PRMT8: variants seen among roughly 807,000 people sequenced by gnomAD.
The protein encoded by PRMT8 is protein arginine N-methyltransferase 8.
In PRMT8, 7 loss-of-function variants were observed where a neutral mutation model predicts 47.1. The ratio of observed to expected loss-of-function variants is 0.15; its 90% confidence interval spans 0.08 to 0.28. The LOEUF is 0.28. Ranked by LOEUF, PRMT8 falls within the 10% of genes least tolerant of loss-of-function variation. PRMT8 has a pLI of 1.00. For missense variants in PRMT8, 237 were observed against 505.4 expected (o/e 0.47, Z 5.09); for synonymous variants, 188 against 186.5 (o/e 1.01, Z -0.07).
At position 3,531,716 on chromosome 12, in the gene PRMT8, C is replaced by T. The variant is rs146231308; in HGVS notation, c.76-8890C>T. The stretch of plus-strand genomic sequence containing the variant: ...GTCTCAGTGACCCTGGTCAGGACAG[C>T]GAGTCCCTACCAGTGACCGGCCCAA... On this transcript the variant is annotated intron_variant, in intron 1 of 9. Coordinates refer to ENST00000382622, the MANE Select transcript of PRMT8 (RefSeq NM_019854.5). Among the ~76,000 whole-genome samples the T allele has an allele frequency of 5.7e-3, 865 of 152,314 alleles. 17 individuals carry two copies. The highest frequency in any genetic ancestry group is 0.02 in the African/African-American group (819 of 41,564).
chr12:3,491,824 G>T (rs530100017), intron 1 of PRMT8, 124 bp downstream of exon 1: 1 of 1,102,934 alleles, frequency 9.1e-7, no homozygotes, highest in African/African-American at 1.7e-5. Context: ...GCTTCTGCCG[G>T]CCTCCTCCTG....
At chr12:3,428,398 C>CT (rs1316808661) in intron 1 of PRMT8, among the ~76,000 whole-genome samples, 2 of 151,972 alleles carry the variant, frequency 1.3e-5, no homozygotes, top group African/African-American at 4.8e-5. Flanking sequence ...TATTTTTCTA[C>CT]TTTCTTCCGT....
intron 1 of PRMT8, among the ~76,000 whole-genome samples, chr12:3,457,799 G>A (rs1332885714): frequency 1.3e-5 from 2 of 150,494 alleles, no homozygotes; most frequent in Non-Finnish European, 3.0e-5. Flanking sequence ...CCCCCCATCT[G>A]GATTTGGACA....
At chr12:3,449,284 T>C (rs1864892985) in intron 1 of PRMT8, among the ~76,000 whole-genome samples, 1 of 152,230 alleles carries the variant, frequency 6.6e-6, no homozygotes, top group East Asian at 1.9e-4. Context: ...ATGGTATTTC[T>C]GGTTCTGGGT....
rs1865056091 is a variant in PRMT8 at position 3,462,920 on chromosome 12, T to C, written c.49-77686T>C. 3 of 151,614 alleles carry C rather than the reference T, an allele frequency of 2.0e-5. No homozygotes were observed. In the South Asian group the frequency reaches 6.2e-4, roughly 31 times the overall value. 9.4% of individuals were successfully genotyped at this position (151,614 alleles called of 1,614,324 possible). ...TAACTGCAGGCGGATGGAAAAGACA[T>C]GGAAAGCATTAATCACTGCACAAGC... On this transcript the variant is annotated intron_variant, in intron 1 of 9. Coordinates refer to the PRMT8 transcript ENST00000452611.
chr12:3,432,570 C>A (rs1367866279), intron 1 of PRMT8, among the ~76,000 whole-genome samples: 2 of 151,936 alleles, frequency 1.3e-5, no homozygotes, highest in Non-Finnish European at 2.9e-5. Context: ...GCAGGAAGGG[C>A]TGGAGGGAGG....
intron 1 of PRMT8, among the ~76,000 whole-genome samples, chr12:3,448,619 C>T (rs1444664807): frequency 6.6e-6 from 1 of 151,986 alleles, no homozygotes; most frequent in Admixed American, 6.6e-5. Context: ...TGATAGTATC[C>T]CACTTTGATA....
intron 1 of PRMT8, among the ~76,000 whole-genome samples, chr12:3,444,511 C>G (rs1205338958): frequency 6.6e-6 from 1 of 152,206 alleles, no homozygotes; most frequent in Non-Finnish European, 1.5e-5. Flanking sequence ...ACCTGACACT[C>G]TGGTCATATT....
intron 1 of PRMT8, among the ~76,000 whole-genome samples, chr12:3,394,452 G>T (rs937795255): frequency 2.2e-4 from 33 of 152,086 alleles, no homozygotes; most frequent in Non-Finnish European, 2.5e-4. Context: ...GGACTTTTCT[G>T]CATCTATTGA....
At chr12:3,477,985 G>T (rs994819058) in intron 1 of PRMT8, among the ~76,000 whole-genome samples, 1 of 152,150 alleles carries the variant, frequency 6.6e-6, no homozygotes, top group African/African-American at 2.4e-5. Context: ...CTGCTGGCTA[G>T]GGGAGGATGG....
chr12:3,593,073 C>G lies in PRMT8; in HGVS notation c.1102-26C>G, dbSNP rs774336632. Reference sequence around the variant, plus strand: ...GCTTCATACCCAGACGGCCGCCTGACCCTTCGCTCTCTCTCTGCCTTGCAG... The same window carrying G: ...GCTTCATACCCAGACGGCCGCCTGAGCCTTCGCTCTCTCTCTGCCTTGCAG... On this transcript the variant is annotated intron_variant, in intron 9 of 9. Transcript: ENST00000382622. The surrounding 1 kb of genome is among the most constrained non-coding windows in gnomAD (Gnocchi z 4.8). 1 of 1,603,792 alleles carries G rather than the reference C, an allele frequency of 6.2e-7. No individual in the cohort carries two copies. The highest frequency in any genetic ancestry group is 1.3e-5 in the African/African-American group (1 of 74,716).
chr12:3,556,919 G>A (rs1429654401), intron 4 of PRMT8, among the ~76,000 whole-genome samples: 1 of 152,218 alleles, frequency 6.6e-6, no homozygotes, highest in Non-Finnish European at 1.5e-5. Context: ...AGGTGGAGAG[G>A]CGGCCTTTGC....
At chr12:3,460,265 C>T (rs1389453278) in intron 1 of PRMT8, among the ~76,000 whole-genome samples, 1 of 152,178 alleles carries the variant, frequency 6.6e-6, no homozygotes. Flanking sequence ...AATCTAGGTG[C>T]CCCTTGGGAT....
chr12:3,421,995 C>A (rs1315718335), intron 1 of PRMT8, among the ~76,000 whole-genome samples: 3 of 152,122 alleles, frequency 2.0e-5, no homozygotes, highest in Non-Finnish European at 2.9e-5. Context: ...CAGGGGCCAG[C>A]CTACATGGAG....
At chr12:3,487,033 A>G (rs1440487965), upstream of PRMT8, among the ~76,000 whole-genome samples, 1 of 152,178 alleles carries the variant, frequency 6.6e-6, no homozygotes, top group Admixed American at 6.5e-5. Flanking sequence ...TTTGTGTAGG[A>G]GAACGGCCCA....
intron 1 of PRMT8, among the ~76,000 whole-genome samples, chr12:3,457,261 A>G (rs530695948): frequency 4.6e-5 from 7 of 152,300 alleles, no homozygotes; most frequent in African/African-American, 1.7e-4. Context: ...ACAAGCTCTC[A>G]GTTCTCAACT....
At chr12:3,425,683 A>G (rs1035152168) in intron 1 of PRMT8, among the ~76,000 whole-genome samples, 3 of 152,242 alleles carry the variant, frequency 2.0e-5, no homozygotes, top group African/African-American at 4.8e-5. Context: ...GGTATTTCCC[A>G]TGGGACTCCA....
At chr12:3,480,163 G>T (rs1865259192) in intron 1 of PRMT8, among the ~76,000 whole-genome samples, 1 of 152,202 alleles carries the variant, frequency 6.6e-6, no homozygotes, top group Non-Finnish European at 1.5e-5. Flanking sequence ...TAAAACAGAT[G>T]ATTTCTGCCC....
At position 3,456,179 on chromosome 12, in the gene PRMT8, A is replaced by T. The variant is rs1323727750; in HGVS notation, c.48+74737A>T. On this transcript the variant is annotated intron_variant, in intron 1 of 9. Transcript: ENST00000452611. This position sits in a 1 kb window ranked among gnomAD's most constrained non-coding sequence, Gnocchi z 4.2. ...CTTAAACCACATTTCCGATGACCACATCCAAGTACGCCAGCGCTGGCACAC... is the reference window on the plus strand; with the variant it reads ...CTTAAACCACATTTCCGATGACCACTTCCAAGTACGCCAGCGCTGGCACAC... Among the ~76,000 whole-genome samples the T allele has an allele frequency of 1.3e-5, 2 of 152,160 alleles. No individual in the cohort carries two copies. Among genetic ancestry groups the T allele is most frequent in the Non-Finnish European group, 2.9e-5 (2 of 68,030 alleles).
Sources: allele counts gnomAD v4.1 joint callset (sites outside exome capture counted in the v4.1 genomes callset), GRCh38; gene constraint gnomAD v4.1.1; non-coding constraint Gnocchi (gnomAD v3.1); transcripts MANE v1.5; gene names NCBI Gene and HGNC (gene_info 2026-07-23, HGNC 2026-07-21).